Variants in GYS2 observed in about 807,000 individuals in gnomAD.
GYS2 encodes glycogen synthase 2.
A neutral mutation model predicts 85.6 loss-of-function variants in GYS2; 80 were observed. That is an observed-to-expected ratio of 0.93 (90% CI 0.78 to 1.13). GYS2 has a LOEUF of 1.13. GYS2 is among the 50% of genes most tolerant of loss of function. The probability of loss-of-function intolerance (pLI) is 0.00; values close to 1 mark genes in which losing one functional copy is unlikely to be tolerated. For missense variants in GYS2, 881 were observed against 854.9 expected (o/e 1.03, Z -0.38); for synonymous variants, 328 against 300.7 (o/e 1.09, Z -0.94).
Position 21,569,098 on chromosome 12 carries a change from A to C in GYS2, c.679-89T>G. ...AATCACACATTTCACCAAGTGGCTTACCTCAAGGCTGTGTAAAAATTTATG... is the reference window on the plus strand; with the variant it reads ...AATCACACATTTCACCAAGTGGCTTCCCTCAAGGCTGTGTAAAAATTTATG... On this transcript the variant is annotated intron_variant, in intron 4 of 15. Transcript: ENST00000261195. The C allele has an allele frequency of 2.2e-6, 3 of 1,346,106 alleles. No individual in the cohort carries two copies. In the South Asian group the frequency reaches 3.5e-5, roughly 16 times the overall value. The allele number at this position is 1,346,106 out of a possible 1,614,324, so 83.4% of individuals were successfully genotyped here.
At position 21,576,002 on chromosome 12, in the gene GYS2, A is replaced by G; in HGVS notation, c.359T>C (p.Ile120Thr). 5 of 1,613,852 alleles carry G rather than the reference A, an allele frequency of 3.1e-6. No homozygotes were observed. The highest frequency in any genetic ancestry group is 3.3e-4 in the Middle Eastern group (2 of 6,062). Residue 120 changes from isoleucine (I) to threonine (T), a missense_variant, in exon 3 of 16, where the codon ATA becomes ACA. Ile to Thr is a moderately conservative substitution (Grantham distance 89). Transcript: ENST00000261195. ...EGSPYVVLFD[I>T]GYSAWNLDRW... The stretch of plus-strand genomic sequence containing the variant: ...GTCCAGATTCCAAGCTGAATAGCCT[A>G]TGTCAAAAAGTACCACATAAGGACT...
chr12:21,603,498 G>T (rs906518519), intron 1 of GYS2, among the ~76,000 whole-genome samples: 1 of 152,046 alleles, frequency 6.6e-6, no homozygotes, highest in Admixed American at 6.6e-5. Context: ...TCACATTCTG[G>T]TTATTATTTC....
In GYS2 at chr12:21,536,402, A is replaced by G. The variant is rs994983488; in HGVS notation, c.*552T>C. 1 of 157,716 alleles carries G rather than the reference A, an allele frequency of 6.3e-6. No individual in the cohort carries two copies. The highest frequency in any genetic ancestry group is 2.4e-5 in the African/African-American group (1 of 41,488). The allele number at this position is 157,716 out of a possible 1,614,324, so 9.8% of individuals were successfully genotyped here. On this transcript the variant is annotated 3_prime_UTR_variant, in exon 16 of 16. Transcript: ENST00000261195. ...TAAATGTCCATTAATATGCATCAAA[A>G]TATGGACTTAGGATAGCTATTCACT...
chr12:21,540,768 C>T (rs1201160337), intron 13 of GYS2, among the ~76,000 whole-genome samples, 195 bp from the exon 14 acceptor site: 2 of 152,164 alleles, frequency 1.3e-5, no homozygotes, highest in East Asian at 3.9e-4. Context: ...CACTGACACA[C>T]AGCCAACGAA....
Position 21,562,995 on chromosome 12 carries a change from C to A in GYS2, c.985G>T (p.Ala329Ser). Residue 329 changes from alanine (A) to serine (S), a missense_variant, in exon 7 of 16, where the codon GCT becomes TCT. Transcript: ENST00000261195. ...TTGTTTGAAAACTCATACCTCCCAG[C>A]AATGAAAAGGAACAAAGTCTTTTCA... ...DLEKTLFLFI[A>S]GRYEFSNKGA... The A allele has an allele frequency of 6.2e-7, 1 of 1,613,180 alleles. No homozygotes were observed. Among genetic ancestry groups the A allele is most frequent in the Non-Finnish European group, 8.5e-7 (1 of 1,179,358 alleles).
At chr12:21,566,314 A>G (rs1944320058) in intron 5 of GYS2, among the ~76,000 whole-genome samples, 1 of 151,954 alleles carries the variant, frequency 6.6e-6, no homozygotes, top group African/African-American at 2.4e-5. Flanking sequence ...TTCAAGAAAA[A>G]TCAAGGAATA....
intron 4 of GYS2, among the ~76,000 whole-genome samples, chr12:21,572,042 GA>G (rs201257771): frequency 1.3e-5 from 2 of 151,714 alleles, no homozygotes; most frequent in African/African-American, 2.4e-5. Flanking sequence ...GGCTTTAGAG[GA>G]AAAAAAAGAA....
chr12:21,564,498 A>G (rs1031408841), intron 5 of GYS2, among the ~76,000 whole-genome samples: 2 of 152,152 alleles, frequency 1.3e-5, no homozygotes, highest in African/African-American at 4.8e-5. Context: ...CACAAAATCA[A>G]TCCAGGCTTT....
rs377431122 is a variant in GYS2, at chr12:21,573,597, C to G, written c.678+547G>C. Among the ~76,000 whole-genome samples, 19 of 152,244 alleles carry G rather than the reference C, an allele frequency of 1.2e-4. No individual in the cohort carries two copies. In the South Asian group the frequency reaches 3.9e-3, roughly 32 times the overall value. Reference sequence around the variant, plus strand: ...CACCAAGGACCCATATCCCTGTTTGCAATAACTTCTGTTTTACTTGATCCC... The same window carrying G: ...CACCAAGGACCCATATCCCTGTTTGGAATAACTTCTGTTTTACTTGATCCC... On this transcript the variant is annotated intron_variant, in intron 4 of 15. Transcript: ENST00000261195.
At chr12:21,541,268 CAAAAAAAAAAA>C (rs3832848) in intron 13 of GYS2, among the ~76,000 whole-genome samples, 7 of 46,354 alleles carry the variant, frequency 1.5e-4, no homozygotes, top group African/African-American at 4.6e-4. Flanking sequence ...ACCATGTTTC[CAAAAAAAAAAA>C]AAAAAAAAAA....
At chr12:21,568,761 A>T in intron 5 of GYS2, 104 bp downstream of exon 5, 1 of 952,776 alleles carries the variant, frequency 1.0e-6, no homozygotes, top group Non-Finnish European at 1.7e-6. Flanking sequence ...GTGGTAACTG[A>T]ATGCAATTTT....
chr12:21,581,176 C>T (rs542075059), intron 1 of GYS2, among the ~76,000 whole-genome samples: 43 of 152,302 alleles, frequency 2.8e-4, no homozygotes, highest in Non-Finnish European at 6.2e-4. Flanking sequence ...TTTCTCTCTT[C>T]CTAGTAAGGG....
At position 21,540,563 on chromosome 12, in the gene GYS2, G is replaced by A. The variant is rs1386378763; in HGVS notation, c.1656C>T (p.Ile552=). Residue 552 remains isoleucine (I), a synonymous_variant, in exon 14 of 16, where the codon ATC becomes ATT. Transcript: ENST00000261195. The part of the protein sequence containing the change: ...VADPTAYGIY[I]VDRRFRSPDD... Reference sequence around the variant, plus strand: ...CTGGAGAACGGAACCGCCTGTCAACGATGTAAATACCTGAAGAACACAAAA... The same window carrying A: ...CTGGAGAACGGAACCGCCTGTCAACAATGTAAATACCTGAAGAACACAAAA... The A allele has an allele frequency of 1.1e-5, 17 of 1,613,512 alleles. No individual in the cohort carries two copies. Among genetic ancestry groups the A allele is most frequent in the Middle Eastern group, 1.6e-4 (1 of 6,082 alleles).
At chr12:21,583,265 G>T (rs960458020) in intron 1 of GYS2, among the ~76,000 whole-genome samples, 2 of 152,156 alleles carry the variant, frequency 1.3e-5, no homozygotes, top group Non-Finnish European at 2.9e-5. Flanking sequence ...AATTTATAGG[G>T]GTCCAATGGT....
At chr12:21,585,523 G>C (rs921128776) in intron 1 of GYS2, among the ~76,000 whole-genome samples, 1 of 145,752 alleles carries the variant, frequency 6.9e-6, no homozygotes, top group Non-Finnish European at 1.5e-5. Context: ...GCCATTCCAG[G>C]CAGGACTACA....
intron 11 of GYS2, among the ~76,000 whole-genome samples, chr12:21,554,258 G>A (rs1215723833): frequency 6.6e-6 from 1 of 151,878 alleles, no homozygotes; most frequent in Non-Finnish European, 1.5e-5. Context: ...CAGGGAAGGA[G>A]GGAGGGAGGG....
In GYS2 at chr12:21,604,577, A is replaced by C; in HGVS notation, c.16T>G (p.Ser6Ala). The part of the protein sequence containing the change: MLRGR[S>A]LSVTSLGGLP... ...CCACCCAGGGATGTTACAGAGAGGG[A>C]TCGGCCTCGAAGCATTCTTCTTACA... The change falls in exon 1 of 16, where the codon TCC (serine) becomes GCC (alanine). Residue 6 changes from serine (S) to alanine (A), a missense_variant. Physicochemically the swap from Ser to Ala is moderately conservative, Grantham distance 99. Transcript: ENST00000261195. 6.2e-7 allele frequency: 1 copy of C among 1,612,610 alleles called. No homozygotes were observed. The highest frequency in any genetic ancestry group is 8.5e-7 in the Non-Finnish European group (1 of 1,178,840).
At chr12:21,576,612 C>T (rs1944450018) in intron 2 of GYS2, among the ~76,000 whole-genome samples, 1 of 152,168 alleles carries the variant, frequency 6.6e-6, no homozygotes, top group East Asian at 1.9e-4. Context: ...TAACTAAACA[C>T]ATTGCCCTAG....
chr12:21,590,473 G>A (rs377363243), intron 1 of GYS2, among the ~76,000 whole-genome samples: 1 of 152,172 alleles, frequency 6.6e-6, no homozygotes, highest in Non-Finnish European at 1.5e-5. Flanking sequence ...TGTGCCACCT[G>A]TGGGTCTGAA....
Sources: gnomAD v4.1 joint callset for allele counts (sites outside exome capture counted in the v4.1 genomes callset) on GRCh38, gnomAD v4.1.1 for gene constraint, MANE v1.5 for transcripts, NCBI Gene and HGNC (gene_info 2026-07-23, HGNC 2026-07-21) for gene names.